The following SLCO1A2 variants were observed in gnomAD, a reference collection of about 807,000 sequenced individuals.
SLCO1A2 encodes solute carrier organic anion transporter family member 1A2.
Under a neutral mutation model 69.0 loss-of-function variants are expected in SLCO1A2, and 67 were observed. The observed-to-expected ratio is 0.97, with a 90% CI of 0.80 to 1.19. The LOEUF is 1.19. Ranked by LOEUF, SLCO1A2 falls within the 50% of genes most tolerant of loss-of-function variation. The pLI is 0.00. For synonymous variants in SLCO1A2, 260 were observed against 265.9 expected, an observed-to-expected ratio of 0.98 and a Z score of 0.22; for missense variants, 787 against 793.7, an observed-to-expected ratio of 0.99 and a Z score of 0.10.
intron 2 of SLCO1A2, among the ~76,000 whole-genome samples, chr12:21,340,973 G>T (rs981746781): frequency 1.3e-5 from 2 of 151,830 alleles, no homozygotes; most frequent in Non-Finnish European, 2.9e-5. Flanking sequence ...AATATATACT[G>T]CTTTCCATAT....
intron 1 of SLCO1A2, among the ~76,000 whole-genome samples, chr12:21,402,834 A>T (rs545313148): frequency 1.3e-5 from 2 of 152,280 alleles, no homozygotes; most frequent in South Asian, 4.1e-4. Context: ...ATGTAAAAAG[A>T]TACGCCCAAA....
intron 12 of SLCO1A2, among the ~76,000 whole-genome samples, chr12:21,285,353 G>C (rs560225124): frequency 1.3e-5 from 2 of 151,724 alleles, no homozygotes; most frequent in South Asian, 4.2e-4. Context: ...AGCTGAAATT[G>C]TGGCAATAAT....
At chr12:21,400,244 G>A (rs1371147309), upstream of SLCO1A2, among the ~76,000 whole-genome samples, 2 of 152,156 alleles carry the variant, frequency 1.3e-5, no homozygotes, top group Admixed American at 6.5e-5. Flanking sequence ...CTCAAAAGAA[G>A]ACATTTATGC....
At chr12:21,347,669 A>AAAGGAAGGAAGGAAGG (rs147886864) in intron 2 of SLCO1A2, among the ~76,000 whole-genome samples, 14,273 of 113,342 alleles carry the variant, frequency 0.13, 1,281 homozygotes, top group Admixed American at 0.19. Context: ...AGAAAGAAAG[A>AAAGGAAGGAAGGAAGG]AAGGAAGGAA....
chr12:21,298,827 T>C (rs1948145305), intron 8 of SLCO1A2, among the ~76,000 whole-genome samples: 2 of 152,140 alleles, frequency 1.3e-5, no homozygotes, highest in African/African-American at 4.8e-5. Flanking sequence ...TTTAATATCA[T>C]CAGAATGATT....
At chr12:21,315,789 T>C (rs564478201) in intron 3 of SLCO1A2, among the ~76,000 whole-genome samples, 4 of 152,296 alleles carry the variant, frequency 2.6e-5, no homozygotes, top group South Asian at 2.1e-4. Flanking sequence ...CCAGAGGCCA[T>C]TGTTTGAAAT....
intron 2 of SLCO1A2, among the ~76,000 whole-genome samples, chr12:21,369,334 C>T (rs1381476471): frequency 1.3e-5 from 2 of 152,082 alleles, no homozygotes; most frequent in East Asian, 3.9e-4. Context: ...CAGCAACCAC[C>T]CTGGTCTAAG....
At chr12:21,363,483 G>T (rs1282721728) in intron 2 of SLCO1A2, among the ~76,000 whole-genome samples, 1 of 152,140 alleles carries the variant, frequency 6.6e-6, no homozygotes, top group Non-Finnish European at 1.5e-5. Flanking sequence ...ACAATTAAAA[G>T]AACTACAGAA....
In SLCO1A2 at chr12:21,292,221, G is replaced by A. The variant is rs377061804; in HGVS notation, c.1553C>T (p.Ala518Val). ...CAAAGAATAAATGAAACTGCTCATC[G>A]CTGACAAGATTAGGAAGTACTGGAG... Reference protein sequence around the residue: ...LMLQYFLILSAMSSFIYSLAA... With the variant: ...LMLQYFLILSVMSSFIYSLAA... Residue 518 changes from alanine to valine, a missense_variant, in exon 12 of 15, where the codon GCG becomes GTG. Transcript: ENST00000683939. 8.7e-6 allele frequency: 14 copies of A among 1,612,176 alleles called. No individual in the cohort carries two copies. Among genetic ancestry groups the A allele is most frequent in the East Asian group, 4.5e-5 (2 of 44,710 alleles).
At position 21,266,969 on chromosome 12, in the gene SLCO1A2, C is replaced by G. The variant is rs185350913; in HGVS notation, c.*2579G>C. The stretch of plus-strand genomic sequence containing the variant: ...ATATTAAGTAAGAAAATTACTGACT[C>G]TCGACTTCTCACTACCTGTTCTCTT... On this transcript the variant is annotated 3_prime_UTR_variant, in exon 15 of 15. Coordinates refer to ENST00000683939, the MANE Select transcript of SLCO1A2 (RefSeq NM_001386879.1). 1 of 152,110 alleles carries G rather than the reference C, an allele frequency of 6.6e-6. No individual in the cohort carries two copies. The highest frequency in any genetic ancestry group is 1.9e-4 in the East Asian group (1 of 5,170). 9.4% of individuals were successfully genotyped at this position (152,110 alleles called of 1,614,324 possible). A position where few individuals can be genotyped will look rare whatever the true frequency, so the allele number is the denominator to read the frequency against.
At chr12:21,325,870 G>C (rs948061651) in intron 2 of SLCO1A2, among the ~76,000 whole-genome samples, 2 of 152,134 alleles carry the variant, frequency 1.3e-5, no homozygotes, top group Non-Finnish European at 2.9e-5. Context: ...CATGAGGACA[G>C]CAAATTTGAT....
chr12:21,319,919 A>T (rs1565496869), intron 2 of SLCO1A2, among the ~76,000 whole-genome samples: 1 of 152,186 alleles, frequency 6.6e-6, no homozygotes. Context: ...AGCTTTTAGT[A>T]AGAGGTTTTA....
chr12:21,418,843 A>C (rs1173833626), upstream of SLCO1A2, among the ~76,000 whole-genome samples: 1 of 152,116 alleles, frequency 6.6e-6, no homozygotes, highest in African/African-American at 2.4e-5. Context: ...GCAAACTACC[A>C]CCTGTAGGCA....
At chr12:21,330,675 A>C (rs1398857227) in intron 2 of SLCO1A2, among the ~76,000 whole-genome samples, 21 of 152,174 alleles carry the variant, frequency 1.4e-4, no homozygotes, top group Non-Finnish European at 3.1e-4. Flanking sequence ...AGAATTCAAA[A>C]ATTTTAAAGT....
At chr12:21,300,090 G>A (rs1310281221) in intron 8 of SLCO1A2, among the ~76,000 whole-genome samples, 3 of 148,022 alleles carry the variant, frequency 2.0e-5, no homozygotes, top group African/African-American at 7.3e-5. Context: ...ATGAAAGAGA[G>A]AGAGAGAGGA....
At chr12:21,285,424 G>A (rs531945207) in intron 12 of SLCO1A2, among the ~76,000 whole-genome samples, 2 of 145,516 alleles carry the variant, frequency 1.4e-5, no homozygotes, top group East Asian at 2.0e-4. Context: ...AATTCTACCA[G>A]AGGTACAAGG....
intron 12 of SLCO1A2, among the ~76,000 whole-genome samples, chr12:21,289,543 T>G (rs1336999494): frequency 6.6e-6 from 1 of 152,074 alleles, no homozygotes; most frequent in Admixed American, 6.6e-5. Flanking sequence ...ACTAGGAGAT[T>G]TGATGAGCTT....
At chr12:21,378,202 G>A (rs777146031) in intron 1 of SLCO1A2, 5 of 1,596,740 alleles carry the variant, frequency 3.1e-6, no homozygotes. Context: ...AAAATTCTAA[G>A]GCTCTAACTT....
chr12:21,397,574 T>G (rs1941519480), upstream of SLCO1A2, among the ~76,000 whole-genome samples: 1 of 152,114 alleles, frequency 6.6e-6, no homozygotes, highest in Admixed American at 6.5e-5. Context: ...ATATACATTT[T>G]TTTCAGCACC....
Sources: gnomAD v4.1 joint callset for allele counts (sites outside exome capture counted in the v4.1 genomes callset) on GRCh38, gnomAD v4.1.1 for gene constraint, MANE v1.5 for transcripts, NCBI Gene and HGNC (gene_info 2026-07-23, HGNC 2026-07-21) for gene names.